The following PDZRN3 variants were observed in gnomAD, a reference collection of about 807,000 sequenced individuals.
PDZRN3 encodes the protein PDZ domain containing ring finger 3, also known as E3 ubiquitin-protein ligase PDZRN3.
In PDZRN3, 38 loss-of-function variants were observed where a neutral mutation model predicts 85.7. That is an observed-to-expected ratio of 0.44 (90% CI 0.34 to 0.58). The LOEUF is 0.58. PDZRN3 is among the 20% of genes least tolerant of loss of function. The pLI is 0.01. For synonymous variants in PDZRN3, 759 were observed against 638.0 expected, an observed-to-expected ratio of 1.19 and a Z score of -2.86; for missense variants, 1,629 against 1,506.4, an observed-to-expected ratio of 1.08 and a Z score of -1.35.
chr3:73,462,417 C>T (rs569485578), intron 3 of PDZRN3, among the ~76,000 whole-genome samples: 1 of 151,910 alleles, frequency 6.6e-6, no homozygotes, highest in Non-Finnish European at 1.5e-5. Flanking sequence ...TGGTGGTGGG[C>T]CCCTGTAGTC....
At chr3:73,620,304 T>G (rs1488022167) in intron 1 of PDZRN3, among the ~76,000 whole-genome samples, 1 of 152,232 alleles carries the variant, frequency 6.6e-6, no homozygotes, top group Non-Finnish European at 1.5e-5. Flanking sequence ...AGGATGTATC[T>G]CAAGTTTTTC....
At chr3:73,386,639 G>T (rs2106677532) in intron 8 of PDZRN3, among the ~76,000 whole-genome samples, 1 of 152,374 alleles carries the variant, frequency 6.6e-6, no homozygotes, top group Admixed American at 6.5e-5. Context: ...ACACAGCCAT[G>T]CTCATTCGCT....
chr3:73,425,102 C>G (rs942779536), intron 3 of PDZRN3, among the ~76,000 whole-genome samples: 3 of 151,522 alleles, frequency 2.0e-5, no homozygotes, highest in Non-Finnish European at 4.4e-5. Context: ...GCAAGCTCCA[C>G]CTCCCAGGTT....
At chr3:73,492,623 G>C (rs1269554045) in intron 3 of PDZRN3, among the ~76,000 whole-genome samples, 1 of 152,212 alleles carries the variant, frequency 6.6e-6, no homozygotes, top group Non-Finnish European at 1.5e-5. Flanking sequence ...CAGCAGAGAA[G>C]CACCCAAGGA....
chr3:73,464,227 C>T (rs927188689), intron 3 of PDZRN3, among the ~76,000 whole-genome samples: 7 of 152,046 alleles, frequency 4.6e-5, no homozygotes, highest in South Asian at 4.1e-4. Flanking sequence ...CCTCATGATC[C>T]GCCCACCTCG....
At chr3:73,427,276 A>G (rs1425808761) in intron 3 of PDZRN3, among the ~76,000 whole-genome samples, 5 of 152,222 alleles carry the variant, frequency 3.3e-5, no homozygotes, top group Non-Finnish European at 7.3e-5. Flanking sequence ...CGCCTGTCAC[A>G]TAAATGACAG....
Position 73,383,435 on chromosome 3 carries a change from A to T in PDZRN3, c.3131T>A (p.Leu1044Ter). The T allele has an allele frequency of 6.2e-7, 1 of 1,614,094 alleles. No individual in the cohort carries two copies. The highest frequency in any genetic ancestry group is 8.5e-7 in the Non-Finnish European group (1 of 1,179,960). Residue 1044 changes from leucine to a stop codon, truncating the protein, a stop_gained, in exon 10 of 10, where the codon TTA becomes TAA. Transcript: ENST00000263666. LOFTEE classifies it high-confidence loss of function. ...GTCCGGGGATTTTGTGCCGTGGGTT[A>T]AGAGTTCTTGGATCGTCATCCAGTT... ...FDNWMTIQELLTHGTKSPDGT... is the reference protein window; with the variant it reads ...FDNWMTIQEL
chr3:73,472,338 A>G (rs971721960), intron 3 of PDZRN3, among the ~76,000 whole-genome samples: 3 of 152,220 alleles, frequency 2.0e-5, no homozygotes, highest in African/African-American at 7.2e-5. Context: ...ACTCTTTTAA[A>G]TAGGCCTTTG....
chr3:73,524,171 T>C (rs1005685487), intron 3 of PDZRN3, among the ~76,000 whole-genome samples: 3 of 152,180 alleles, frequency 2.0e-5, no homozygotes, highest in Admixed American at 6.5e-5. Flanking sequence ...AAAGAAGGCA[T>C]GGCAAGATAC....
At chr3:73,436,829 T>A (rs1351178580) in intron 3 of PDZRN3, among the ~76,000 whole-genome samples, 2 of 151,936 alleles carry the variant, frequency 1.3e-5, no homozygotes, top group Non-Finnish European at 2.9e-5. Flanking sequence ...GGGCGGATCA[T>A]GAGGTCAGGA....
At chr3:73,503,689 A>G (rs1342311136) in intron 3 of PDZRN3, among the ~76,000 whole-genome samples, 1 of 152,112 alleles carries the variant, frequency 6.6e-6, no homozygotes, top group Non-Finnish European at 1.5e-5. Context: ...AATGTAACAC[A>G]GCATTTATTG....
intron 3 of PDZRN3, among the ~76,000 whole-genome samples, chr3:73,416,229 A>C (rs1026757846): frequency 6.6e-6 from 1 of 152,160 alleles, no homozygotes; most frequent in Non-Finnish European, 1.5e-5. Context: ...CCTAAGGGTT[A>C]TTAGCTACTA....
chr3:73,467,964 G>A (rs769655700), intron 3 of PDZRN3, among the ~76,000 whole-genome samples: 49 of 152,218 alleles, frequency 3.2e-4, no homozygotes, highest in South Asian at 6.2e-4. Context: ...ATTAGGAGCT[G>A]TCATTTATTG....
chr3:73,607,291 A>G (rs148570830), intron 2 of PDZRN3, among the ~76,000 whole-genome samples: 89 of 152,372 alleles, frequency 5.8e-4, no homozygotes, highest in Non-Finnish European at 8.7e-4. Flanking sequence ...TATAAGGCAC[A>G]TAATGTATTC....
At chr3:73,511,308 A>G (rs1704159564) in intron 3 of PDZRN3, among the ~76,000 whole-genome samples, 1 of 152,208 alleles carries the variant, frequency 6.6e-6, no homozygotes, top group Admixed American at 6.5e-5. Context: ...AGGCCCAAGC[A>G]GGAAGCGGGA....
chr3:73,530,507 C>T (rs1363075706), intron 3 of PDZRN3, among the ~76,000 whole-genome samples: 5 of 151,962 alleles, frequency 3.3e-5, no homozygotes, highest in African/African-American at 1.2e-4. Flanking sequence ...ATCAAAGTAA[C>T]CATTAAAGTG....
At chr3:73,603,208 TTTTG>T (rs1007154431) in intron 2 of PDZRN3, among the ~76,000 whole-genome samples, 26 of 152,242 alleles carry the variant, frequency 1.7e-4, no homozygotes, top group Non-Finnish European at 3.1e-4. Context: ...AAAACAGATA[TTTTG>T]TTTTTGTTCC....
intron 1 of PDZRN3, among the ~76,000 whole-genome samples, chr3:73,617,001 A>G (rs1389655152): frequency 1.3e-5 from 2 of 152,160 alleles, no homozygotes; most frequent in African/African-American, 2.4e-5. Context: ...TGTGGACCCA[A>G]CGCCTGCATC....
chr3:73,483,692 T>G (rs925493768), intron 3 of PDZRN3, among the ~76,000 whole-genome samples: 1 of 152,082 alleles, frequency 6.6e-6, no homozygotes, highest in African/African-American at 2.4e-5. Context: ...ACAGGTGAGG[T>G]GGGTTTAATT....
Sources: gnomAD v4.1 joint callset for allele counts (sites outside exome capture counted in the v4.1 genomes callset) on GRCh38, gnomAD v4.1.1 for gene constraint, MANE v1.5 for transcripts, NCBI Gene and HGNC (gene_info 2026-07-23, HGNC 2026-07-21) for gene names.